The following ALK variants were observed in gnomAD, a reference collection of about 807,000 sequenced individuals.
The protein encoded by ALK is ALK receptor tyrosine kinase.
ALK carries 74 observed loss-of-function variants against 163.1 expected under a neutral mutation model. The observed-to-expected ratio is 0.45, with a 90% confidence interval of 0.38 to 0.55. ALK has a LOEUF of 0.55. Among genes scored for constraint, ALK ranks in the 20% least tolerant of loss-of-function variants. ALK has a pLI of 0.00. For synonymous variants in ALK, 960 were observed against 843.2 expected (o/e 1.14, Z -2.40); for missense variants, 2,063 against 2,105.3 (o/e 0.98, Z 0.39).
At chr2:29,424,924 C>A (rs1416576885) in intron 4 of ALK, among the ~76,000 whole-genome samples, 2 of 152,100 alleles carry the variant, frequency 1.3e-5, no homozygotes, top group South Asian at 4.1e-4. Context: ...GACCTCCAGG[C>A]AGAGAGTAAA....
intron 5 of ALK, among the ~76,000 whole-genome samples, chr2:29,367,757 A>G (rs747293636): frequency 2.0e-4 from 30 of 152,148 alleles, no homozygotes; most frequent in Non-Finnish European, 4.1e-4. Flanking sequence ...TATTATTGTC[A>G]TTGCTGTTAT....
chr2:29,623,481 A>ATAGCTAACACATATATGG (rs6146697), intron 3 of ALK, among the ~76,000 whole-genome samples: 96,588 of 151,532 alleles, frequency 0.64, 31,712 homozygotes, highest in Middle Eastern at 0.73. Flanking sequence ...AAATAAAATG[A>ATAGCTAACACATATATGG]TAGCTCACTT....
Position 29,483,257 on chromosome 2 carries a change from T to C in ALK, c.1154+48658A>G, listed in dbSNP as rs528127854. Among the ~76,000 whole-genome samples the C allele has an allele frequency of 1.2e-4, 18 of 152,368 alleles. No individual in the cohort carries two copies. In the South Asian group the frequency reaches 3.7e-3, roughly 32 times the overall value. On this transcript the variant is annotated intron_variant, in intron 4 of 28. Coordinates refer to ENST00000389048, the MANE Select transcript of ALK (RefSeq NM_004304.5). ...TTAAACCCTGTCTGTATACTGGTAT[T>C]GCTTGAGGAGCTTTCAAAAAACACC... is the stretch of plus-strand genomic sequence containing the variant.
chr2:29,868,258 T>A (rs971403695), intron 1 of ALK, among the ~76,000 whole-genome samples: 3 of 152,230 alleles, frequency 2.0e-5, no homozygotes, highest in Non-Finnish European at 4.4e-5. Context: ...AAGGGGCTCC[T>A]GCCCTTCATT....
At chr2:29,274,174 G>A (rs896713345) in intron 11 of ALK, among the ~76,000 whole-genome samples, 1 of 152,236 alleles carries the variant, frequency 6.6e-6, no homozygotes, top group East Asian at 1.9e-4. Context: ...ACAAAGCCAT[G>A]CTAATGTCTA....
chr2:29,274,948 T>C, intron 11 of ALK, 151 bp downstream of exon 11: 1 of 1,053,406 alleles, frequency 9.5e-7, no homozygotes, highest in Non-Finnish European at 1.4e-6. Context: ...AGCTTCCCCT[T>C]GGACCCCATA....
At chr2:29,341,078 T>C (rs764740386) in intron 5 of ALK, among the ~76,000 whole-genome samples, 4 of 152,252 alleles carry the variant, frequency 2.6e-5, no homozygotes, top group Non-Finnish European at 5.9e-5. Flanking sequence ...TGAATAATGC[T>C]TTTTAATAAA....
intron 5 of ALK, among the ~76,000 whole-genome samples, chr2:29,375,897 A>T (rs1668742081): frequency 6.6e-6 from 1 of 152,180 alleles, no homozygotes; most frequent in African/African-American, 2.4e-5. Flanking sequence ...CAAGCACCTC[A>T]TCCTAAAGTT....
intron 5 of ALK, among the ~76,000 whole-genome samples, chr2:29,379,457 G>T (rs1420751318): frequency 6.6e-6 from 1 of 152,180 alleles, no homozygotes; most frequent in African/African-American, 2.4e-5. Flanking sequence ...AGAAATAAAA[G>T]AAATGTAAGA....
At chr2:29,639,223 A>G (rs145636339) in intron 3 of ALK, among the ~76,000 whole-genome samples, 1 of 152,120 alleles carries the variant, frequency 6.6e-6, no homozygotes, top group East Asian at 1.9e-4. Context: ...CATCACTCAC[A>G]CTTCTGGGTC....
intron 5 of ALK, among the ~76,000 whole-genome samples, chr2:29,343,410 T>TTG (rs1667859051): frequency 6.6e-6 from 1 of 150,716 alleles, no homozygotes; most frequent in South Asian, 2.1e-4. Context: ...AGATGGGGTC[T>TTG]CCCTATTTTG....
intron 4 of ALK, among the ~76,000 whole-genome samples, chr2:29,395,133 C>A (rs1396062499): frequency 1.3e-5 from 2 of 152,162 alleles, no homozygotes; most frequent in Admixed American, 1.3e-4. Context: ...GAGAGGCAGC[C>A]TAAATACCAC....
At chr2:29,272,649 C>A (rs770862904) in intron 11 of ALK, among the ~76,000 whole-genome samples, 49 of 152,202 alleles carry the variant, frequency 3.2e-4, no homozygotes, top group Non-Finnish European at 5.3e-4. Flanking sequence ...CCAACCACCT[C>A]GTTCCAGCCC....
rs770603023 is a variant in ALK at position 29,239,770 on chromosome 2, G to T, written c.2265C>A (p.His755Gln). 1.2e-6 allele frequency: 2 copies of T among 1,613,896 alleles called. No homozygotes were observed. The highest frequency in any genetic ancestry group is 1.3e-5 in the African/African-American group (1 of 74,916). ...KGGKNTMMRSHGVSVLGIFNL... is the reference protein window; with the variant it reads ...KGGKNTMMRSQGVSVLGIFNL... ...TGAAGATGCCCAGCACAGACACGCC[G>T]TGGGACCGCATCATGGTGTTCTTCC... is the stretch of plus-strand genomic sequence containing the variant. The change falls in exon 13 of 29, where the codon CAC (histidine) becomes CAA (glutamine). Residue 755 changes from histidine to glutamine, a missense_variant. Coordinates refer to ENST00000389048, the MANE Select transcript of ALK (RefSeq NM_004304.5).
intron 4 of ALK, among the ~76,000 whole-genome samples, chr2:29,463,808 C>G (rs1671142093): frequency 6.6e-6 from 1 of 152,152 alleles, no homozygotes; most frequent in African/African-American, 2.4e-5. Context: ...TGAGGGAAAA[C>G]TACCACCGGG....
At chr2:29,708,139 C>T (rs1678968124) in intron 2 of ALK, among the ~76,000 whole-genome samples, 1 of 152,202 alleles carries the variant, frequency 6.6e-6, no homozygotes. Flanking sequence ...GCAGTCTCAG[C>T]TCACGGCAAC....
At chr2:29,845,833 G>T (rs1460194326) in intron 1 of ALK, among the ~76,000 whole-genome samples, 1 of 152,184 alleles carries the variant, frequency 6.6e-6, no homozygotes, top group East Asian at 1.9e-4. Flanking sequence ...CTTGGGTGCT[G>T]GTGCTCCAAG....
At chr2:29,315,167 G>T (rs537763404) in intron 8 of ALK, among the ~76,000 whole-genome samples, 1 of 151,806 alleles carries the variant, frequency 6.6e-6, no homozygotes, top group South Asian at 2.1e-4. Flanking sequence ...GGCTGGGCGA[G>T]GCAGAGGTCT....
intron 5 of ALK, among the ~76,000 whole-genome samples, chr2:29,345,641 T>A (rs555342227): frequency 1.3e-5 from 2 of 152,008 alleles, no homozygotes; most frequent in Non-Finnish European, 2.9e-5. Context: ...CTTGAGGAAA[T>A]AGAGTTATCA....
Sources: gnomAD v4.1 joint callset for allele counts (sites outside exome capture counted in the v4.1 genomes callset) on GRCh38, gnomAD v4.1.1 for gene constraint, MANE v1.5 for transcripts, NCBI Gene and HGNC (gene_info 2026-07-23, HGNC 2026-07-21) for gene names.